PPP1R9A: variants seen among roughly 807,000 people sequenced by gnomAD.
PPP1R9A encodes the protein neurabin-1.
PPP1R9A carries 59 observed loss-of-function variants against 141.9 expected under a neutral mutation model. The ratio of observed to expected loss-of-function variants is 0.42; its 90% CI spans 0.34 to 0.52. The LOEUF (loss-of-function observed/expected upper bound fraction) is 0.52. Ranked by LOEUF, PPP1R9A falls within the 20% of genes least tolerant of loss-of-function variation. The pLI is 0.10. For missense variants in PPP1R9A, 1,444 were observed against 1,611.9 expected (o/e 0.90, Z 1.78); for synonymous variants, 500 against 569.7 (o/e 0.88, Z 1.74).
chr7:95,061,501 C>T (rs923875020), intron 2 of PPP1R9A, among the ~76,000 whole-genome samples: 1 of 152,148 alleles, frequency 6.6e-6, no homozygotes, highest in African/African-American at 2.4e-5. Flanking sequence ...TTCAGGAGGC[C>T]AAGGCAGGCA....
chr7:94,936,635 G>T (rs1794785674), intron 2 of PPP1R9A, among the ~76,000 whole-genome samples: 1 of 149,172 alleles, frequency 6.7e-6, no homozygotes, highest in South Asian at 2.2e-4. Flanking sequence ...CACTAAGTAT[G>T]GGGAGACTGT....
chr7:95,281,034 G>A (rs1189806894), intron 16 of PPP1R9A, among the ~76,000 whole-genome samples: 2 of 152,178 alleles, frequency 1.3e-5, no homozygotes, highest in East Asian at 3.9e-4. Flanking sequence ...AAGCATGTCT[G>A]CTAAGCTGAT....
At position 95,226,095 on chromosome 7, in the gene PPP1R9A, G is replaced by A; in HGVS notation, c.2091G>A (p.Lys697=). ...CCCCATCAGAACTGGACACAAGCAA[G>A]CTCAGTCACAAGTTCAAAGAGGTAT... ...MFSPSELDTS[K]LSHKFKELQI... Residue 697 remains lysine, a synonymous_variant, in exon 8 of 20, where the codon AAG becomes AAA. Coordinates refer to ENST00000433360, the MANE Select transcript of PPP1R9A (RefSeq NM_001166160.2). 1.2e-6 allele frequency: 2 copies of A among 1,612,932 alleles called. No homozygotes were observed. Among genetic ancestry groups the A allele is most frequent in the Non-Finnish European group, 1.7e-6 (2 of 1,179,208 alleles).
At chr7:95,186,360 C>G (rs1300503878) in intron 5 of PPP1R9A, among the ~76,000 whole-genome samples, 1 of 152,086 alleles carries the variant, frequency 6.6e-6, no homozygotes, top group Non-Finnish European at 1.5e-5. Flanking sequence ...TGTGTACATT[C>G]ATTTTGCATC....
intron 7 of PPP1R9A, among the ~76,000 whole-genome samples, chr7:95,216,156 A>G (rs371980734): frequency 8.5e-5 from 13 of 152,212 alleles, no homozygotes; most frequent in East Asian, 3.9e-4. Context: ...TGTATAAGGT[A>G]TAAGGAAGGG....
intron 2 of PPP1R9A, among the ~76,000 whole-genome samples, chr7:95,105,112 A>G (rs1819327551): frequency 6.6e-6 from 1 of 152,222 alleles, no homozygotes. Flanking sequence ...GATTCCTTCC[A>G]GTCAGTATTT....
intron 2 of PPP1R9A, among the ~76,000 whole-genome samples, chr7:95,071,909 C>T (rs1229224580): frequency 2.6e-5 from 4 of 151,558 alleles, no homozygotes; most frequent in Admixed American, 6.6e-5. Context: ...TCTAAAAGAT[C>T]GTATTTTATC....
chr7:95,122,541 C>T (rs1192776573), intron 4 of PPP1R9A, among the ~76,000 whole-genome samples: 1 of 152,128 alleles, frequency 6.6e-6, no homozygotes, highest in African/African-American at 2.4e-5. Flanking sequence ...AAAACCACAC[C>T]TTATATCTTC....
chr7:95,187,206 T>A (rs752805960), intron 5 of PPP1R9A, among the ~76,000 whole-genome samples: 10 of 152,272 alleles, frequency 6.6e-5, no homozygotes, highest in South Asian at 6.2e-4. Context: ...TCATTATTGA[T>A]CTGATCAGAG....
chr7:94,943,277 G>A (rs1795538519), intron 2 of PPP1R9A, among the ~76,000 whole-genome samples: 1 of 152,162 alleles, frequency 6.6e-6, no homozygotes, highest in African/African-American at 2.4e-5. Flanking sequence ...ATAGCTTTCT[G>A]TCATTATTAA....
At position 95,290,346 on chromosome 7, in the gene PPP1R9A, C is replaced by T; in HGVS notation, c.*43C>T. 2 of 1,553,078 alleles carry T rather than the reference C, an allele frequency of 1.3e-6. No homozygotes were observed. Among genetic ancestry groups the T allele is most frequent in the Non-Finnish European group, 1.7e-6 (2 of 1,143,458 alleles). On this transcript the variant is annotated 3_prime_UTR_variant, in exon 20 of 20. Coordinates refer to ENST00000433360, the MANE Select transcript of PPP1R9A (RefSeq NM_001166160.2). ...ATGATGGAGATGCTCCAAGAGAAGT[C>T]CCCACCTCTTCCTGCCCTGCTCTCC...
Position 95,161,935 on chromosome 7 carries a change from C to T in PPP1R9A, c.1718C>T (p.Ala573Val). Residue 573 changes from alanine to valine, a missense_variant, in exon 5 of 20, where the codon GCA becomes GTA. By Grantham distance (64) the Ala-to-Val change is moderately conservative. Coordinates refer to ENST00000433360, the MANE Select transcript of PPP1R9A (RefSeq NM_001166160.2). ...TTGGTGGGTGTGACACAGAATTTTG[C>T]AGCAACAGTTCTCAGAAACACCAAG... ...ISLVGVTQNF[A>V]ATVLRNTKGN... The T allele has an allele frequency of 6.2e-7, 1 of 1,610,584 alleles. No homozygotes were observed. The highest frequency in any genetic ancestry group is 8.5e-7 in the Non-Finnish European group (1 of 1,177,966).
intron 2 of PPP1R9A, among the ~76,000 whole-genome samples, chr7:95,102,451 G>T (rs1311076892): frequency 6.6e-6 from 1 of 152,166 alleles, no homozygotes; most frequent in Non-Finnish European, 1.5e-5. Flanking sequence ...CTAGAATCCA[G>T]CAGCCTCAGT....
intron 5 of PPP1R9A, among the ~76,000 whole-genome samples, chr7:95,172,013 G>A (rs1465652271): frequency 6.6e-6 from 1 of 151,582 alleles, no homozygotes; most frequent in Non-Finnish European, 1.5e-5. Context: ...TTACTGATAG[G>A]ATTAAGGTAA....
Position 95,120,827 on chromosome 7 carries a change from T to C in PPP1R9A, c.1644T>C (p.Asp548=). ...CAGAAGGTGGTGCTGCTCAACGGGA[T>C]GGCAGGTAAATTAAGGACTGTTGTT... ...TVTEGGAAQR[D]GRIQVNDQIV... is the part of the protein sequence containing the mutation. Residue 548 remains aspartate, a synonymous_variant, in exon 4 of 20, where the codon GAT becomes GAC. Transcript: ENST00000433360. 1 of 1,613,168 alleles carries C rather than the reference T, an allele frequency of 6.2e-7. No homozygotes were observed. Among genetic ancestry groups the C allele is most frequent in the South Asian group, 1.1e-5 (1 of 90,772 alleles).
chr7:95,162,013 G>A (rs1490957326), intron 5 of PPP1R9A, 42 bp downstream of exon 5: 1 of 1,273,286 alleles, frequency 7.9e-7, no homozygotes, highest in African/African-American at 1.5e-5. Flanking sequence ...TGTTACTTTA[G>A]TTGAATTTTA....
intron 4 of PPP1R9A, among the ~76,000 whole-genome samples, chr7:95,134,217 A>G (rs1825209992): frequency 6.6e-6 from 1 of 152,112 alleles, no homozygotes; most frequent in African/African-American, 2.4e-5. Context: ...CTAATACAGG[A>G]ACAGAAAACC....
At chr7:94,913,412 T>C (rs1318323096) in intron 2 of PPP1R9A, among the ~76,000 whole-genome samples, 2 of 152,198 alleles carry the variant, frequency 1.3e-5, no homozygotes, top group Non-Finnish European at 2.9e-5. Flanking sequence ...TAGCAAATAA[T>C]GAAACATTAC....
At chr7:94,907,305 G>A (rs1790871684), upstream of PPP1R9A, 1 of 152,310 alleles carries the variant, frequency 6.6e-6, no homozygotes, top group African/African-American at 2.4e-5. Context: ...CTTTGGCAGT[G>A]AGATCTTAAG....
Sources: gnomAD v4.1 joint callset for allele counts (sites outside exome capture counted in the v4.1 genomes callset) on GRCh38, gnomAD v4.1.1 for gene constraint, MANE v1.5 for transcripts, NCBI Gene and HGNC (gene_info 2026-07-23, HGNC 2026-07-21) for gene names.